Variants in LIPA observed in about 807,000 individuals in gnomAD.
LIPA encodes the protein lysosomal acid lipase/cholesteryl ester hydrolase.
A neutral mutation model predicts 40.6 loss-of-function variants in LIPA; 26 were observed. That is an observed-to-expected ratio of 0.64 (90% confidence interval 0.47 to 0.89). The LOEUF is 0.89. LIPA is among the 40% of genes least tolerant of loss of function. The pLI is 0.00. For missense variants in LIPA, 455 were observed against 479.6 expected (o/e 0.95, Z 0.48); for synonymous variants, 188 against 168.4 (o/e 1.12, Z -0.90).
rs375077106 is a variant in LIPA at position 89,248,440 on chromosome 10, T to A, written c.-1-791A>T. 8.7e-3 allele frequency among the ~76,000 whole-genome samples: 202 copies of A among 23,232 alleles called. 2 individuals carry two copies. The highest frequency in any genetic ancestry group is 0.039 in the South Asian group (14 of 358). The allele number at this position is 23,232 out of a possible 152,430, so 15.2% of individuals were successfully genotyped here. On this transcript the variant is annotated intron_variant, in intron 1 of 9. Transcript: ENST00000336233. Reference sequence around the variant, plus strand: ...CAAAGGAATTATTATTATTATTATTTTATATTTATTTATTTATTTATTTAT... The same window carrying A: ...CAAAGGAATTATTATTATTATTATTATATATTTATTTATTTATTTATTTAT...
intron 1 of LIPA, among the ~76,000 whole-genome samples, chr10:89,292,864 GT>G (rs1278473050): frequency 1.3e-5 from 2 of 150,962 alleles, no homozygotes; most frequent in African/African-American, 4.9e-5. Flanking sequence ...GCCCAGACTT[GT>G]TTCAAACTCC....
chr10:89,348,966 G>C (rs1843941758), intron 2 of LIPA, among the ~76,000 whole-genome samples: 1 of 151,946 alleles, frequency 6.6e-6, no homozygotes, highest in African/African-American at 2.4e-5. Context: ...TCCTTTTCTG[G>C]GGTCAATTGC....
At chr10:89,227,209 A>AT (rs1231299122) in intron 4 of LIPA, among the ~76,000 whole-genome samples, 2 of 152,196 alleles carry the variant, frequency 1.3e-5, no homozygotes, top group African/African-American at 4.8e-5. Flanking sequence ...TATTGTCCTC[A>AT]TTTTTCACAC....
intron 1 of LIPA, chr10:89,306,192 A>G (rs17468739): frequency 1.2e-6 from 2 of 1,613,990 alleles, no homozygotes; most frequent in Non-Finnish European, 1.7e-6. Flanking sequence ...AAAGCTGAAG[A>G]GTTAATCCAG....
intron 2 of LIPA, chr10:89,384,371 T>C (rs1564804608): frequency 5.0e-6 from 8 of 1,614,126 alleles, no homozygotes; most frequent in East Asian, 2.2e-5. Context: ...TATGCAGAAA[T>C]AGGCCACCAC....
intron 1 of LIPA, among the ~76,000 whole-genome samples, chr10:89,285,694 C>T (rs1180574790): frequency 3.3e-5 from 5 of 151,914 alleles, no homozygotes; most frequent in African/African-American, 1.2e-4. Flanking sequence ...CTCCACTTTC[C>T]TGGGGGGCAA....
intron 2 of LIPA, chr10:89,392,504 T>C (rs553190033): frequency 1.1e-5 from 2 of 189,966 alleles, no homozygotes; most frequent in East Asian, 1.6e-4. Context: ...CCGCTAGCTT[T>C]AGTTTCACTT....
chr10:89,316,284 A>C (rs575480709), intron 1 of LIPA, among the ~76,000 whole-genome samples: 15 of 152,324 alleles, frequency 9.8e-5, no homozygotes, highest in African/African-American at 3.6e-4. Context: ...CTCACCCGGG[A>C]AGTGCAAGGA....
chr10:89,342,660 A>G (rs1274486598), exon 1 of LIPA: 1 of 152,218 alleles, frequency 6.6e-6, no homozygotes, highest in Admixed American at 6.5e-5. Flanking sequence ...CCTCATCAGC[A>G]TCTTTGTACA....
intron 1 of LIPA, among the ~76,000 whole-genome samples, chr10:89,263,616 T>C (rs1843221075): frequency 1.3e-5 from 2 of 152,262 alleles, no homozygotes; most frequent in South Asian, 2.1e-4. Flanking sequence ...AAAGAAGTAC[T>C]GATAGCATAT....
intron 5 of LIPA, among the ~76,000 whole-genome samples, chr10:89,225,699 A>C (rs1368165828): frequency 6.6e-6 from 1 of 152,132 alleles, no homozygotes; most frequent in Non-Finnish European, 1.5e-5. Context: ...TTAACCCTTG[A>C]TATGGTTTGG....
At chr10:89,288,683 C>G (rs1213533346) in intron 1 of LIPA, among the ~76,000 whole-genome samples, 1 of 152,158 alleles carries the variant, frequency 6.6e-6, no homozygotes, top group African/African-American at 2.4e-5. Flanking sequence ...AATCTCCACT[C>G]ACCAGCAAAG....
At chr10:89,412,718 C>T (rs1370547732) in intron 2 of LIPA, 6 of 433,714 alleles carry the variant, frequency 1.4e-5, no homozygotes, top group African/African-American at 8.3e-5. Context: ...GGACGCGCCA[C>T]CTTTAAGATC....
intron 1 of LIPA, among the ~76,000 whole-genome samples, chr10:89,291,043 C>A (rs1224940800): frequency 1.3e-5 from 2 of 152,056 alleles, no homozygotes; most frequent in Non-Finnish European, 2.9e-5. Context: ...GTATTGAGAG[C>A]TTCATAATAA....
At chr10:89,338,615 T>C in intron 1 of LIPA, 1 of 1,557,978 alleles carries the variant, frequency 6.4e-7, no homozygotes, top group Non-Finnish European at 8.7e-7. Context: ...CAGGGTGCAG[T>C]GCTTGGCAGT....
At chr10:89,221,366 T>C (rs191373842) in intron 8 of LIPA, among the ~76,000 whole-genome samples, 55 of 152,024 alleles carry the variant, frequency 3.6e-4, no homozygotes, top group Non-Finnish European at 6.3e-4. Context: ...AAAAATAAAA[T>C]AAAACGAAAA....
intron 1 of LIPA, chr10:89,309,141 G>A (rs530556926): frequency 6.6e-6 from 1 of 152,202 alleles, no homozygotes; most frequent in Non-Finnish European, 1.5e-5. Flanking sequence ...ATTGACCTAC[G>A]TGAACACAGA....
chr10:89,233,483 TAA>T (rs893724527), intron 3 of LIPA, among the ~76,000 whole-genome samples: 2 of 152,338 alleles, frequency 1.3e-5, no homozygotes, highest in African/African-American at 4.8e-5. Flanking sequence ...CACTAGAAGG[TAA>T]AATATCAAGA....
intron 1 of LIPA, among the ~76,000 whole-genome samples, chr10:89,287,141 C>T (rs937587734): frequency 6.6e-6 from 1 of 152,246 alleles, no homozygotes; most frequent in African/African-American, 2.4e-5. Flanking sequence ...TGACTTCTTC[C>T]CAGATCTTCT....
Sources: gnomAD v4.1 joint callset for allele counts (sites outside exome capture counted in the v4.1 genomes callset) on GRCh38, gnomAD v4.1.1 for gene constraint, MANE v1.5 for transcripts, NCBI Gene and HGNC (gene_info 2026-07-23, HGNC 2026-07-21) for gene names.